Variants in USP6NL observed in about 807,000 individuals in gnomAD.
USP6NL encodes the protein USP6 N-terminal like.
USP6NL carries 26 observed loss-of-function variants against 61.9 expected under a neutral mutation model. The observed-to-expected ratio is 0.42, with a 90% CI of 0.31 to 0.58. The LOEUF (loss-of-function observed/expected upper bound fraction) is 0.58. Ranked by LOEUF, USP6NL falls within the 20% of genes least tolerant of loss-of-function variation. The pLI is 0.16. For synonymous variants in USP6NL, 432 were observed against 390.1 expected, an observed-to-expected ratio of 1.11 and a Z score of -1.27; for missense variants, 1,114 against 1,034.3, an observed-to-expected ratio of 1.08 and a Z score of -1.06.
chr10:11,463,196 G>A lies in USP6NL; in HGVS notation c.1732C>T (p.Arg578Trp), dbSNP rs369822185. Residue 578 changes from arginine (R) to tryptophan (W), a missense_variant, in exon 15 of 15, where the codon CGG becomes TGG. Transcript: ENST00000609104. The surrounding 1 kb of genome is among the most constrained non-coding windows in gnomAD (Gnocchi z 6.3). Reference protein sequence around the residue: ...ALERAYSQSPRHALYPPSPRK... With the variant: ...ALERAYSQSPWHALYPPSPRK... ...GGGCTAGGAGGGTAAAGGGCATGCC[G>A]GGGGCTCTGGGAGTAAGCCCTTTCC... 17 of 1,613,036 alleles carry A rather than the reference G, an allele frequency of 1.1e-5. No homozygotes were observed. In the African/African-American group the frequency reaches 1.3e-4, roughly 13 times the overall value.
At chr10:11,477,439 G>T (rs184826427) in intron 14 of USP6NL, among the ~76,000 whole-genome samples, 24 of 152,252 alleles carry the variant, frequency 1.6e-4, no homozygotes, top group Non-Finnish European at 2.6e-4. Context: ...AAATATAAAT[G>T]ACCAAATGAC....
chr10:11,471,269 C>T (rs1344924444), intron 14 of USP6NL, among the ~76,000 whole-genome samples: 1 of 152,094 alleles, frequency 6.6e-6, no homozygotes, highest in African/African-American at 2.4e-5. Context: ...CTGCCAACCA[C>T]TATGAGATAC....
chr10:11,561,509 C>A lies in USP6NL; in HGVS notation c.5-33942G>T, dbSNP rs376328536. 6.6e-6 allele frequency among the ~76,000 whole-genome samples: 1 copy of A among 152,224 alleles called. No homozygotes were observed. The highest frequency in any genetic ancestry group is 2.4e-5 in the African/African-American group (1 of 41,452). ...ACATTGCTTTGCAATTATCTTTCTA[C>A]TCAAATATATTTCATAGACATTTTT... On this transcript the variant is annotated intron_variant, in intron 2 of 14. Coordinates refer to ENST00000609104, the MANE Select transcript of USP6NL (RefSeq NM_014688.5). The surrounding 1 kb of genome is among the most constrained non-coding windows in gnomAD (Gnocchi z 4.1).
At chr10:11,568,811 A>G (rs1359593934) in intron 2 of USP6NL, among the ~76,000 whole-genome samples, 1 of 152,244 alleles carries the variant, frequency 6.6e-6, no homozygotes, top group Non-Finnish European at 1.5e-5. Flanking sequence ...TTCCAGGTAG[A>G]AAGAAAGATG....
At position 11,589,941 on chromosome 10, in the gene USP6NL, C is replaced by T. The variant is rs937984125; in HGVS notation, c.4+7690G>A. On this transcript the variant is annotated intron_variant, in intron 2 of 14. Coordinates refer to ENST00000609104, the MANE Select transcript of USP6NL (RefSeq NM_014688.5). The surrounding 1 kb of genome is among the most constrained non-coding windows in gnomAD (Gnocchi z 4.7). ...CTAAATTCAGAGGGAAAAGACAGCA[C>T]TCTACTACCAACTGCCTGCACAACG... Among the ~76,000 whole-genome samples the T allele has an allele frequency of 4.6e-5, 7 of 152,182 alleles. No homozygotes were observed. The highest frequency in any genetic ancestry group is 1.2e-4 in the African/African-American group (5 of 41,424).
In USP6NL at chr10:11,593,365, C is replaced by T. The variant is rs187775422; in HGVS notation, c.4+4266G>A. Among the ~76,000 whole-genome samples the T allele has an allele frequency of 4.0e-3, 603 of 151,992 alleles. 5 individuals carry two copies. Among genetic ancestry groups the T allele is most frequent in the African/African-American group, 0.014 (561 of 41,446 alleles). On this transcript the variant is annotated intron_variant, in intron 2 of 14. Coordinates refer to ENST00000609104, the MANE Select transcript of USP6NL (RefSeq NM_014688.5). ...CACTTAGTTTTTTTTAAAATATATT[C>T]TACCAAAATAATCACTATTTTGTGC... is the stretch of plus-strand genomic sequence containing the variant.
At chr10:11,475,792 G>T (rs1269119472) in intron 14 of USP6NL, among the ~76,000 whole-genome samples, 1 of 151,872 alleles carries the variant, frequency 6.6e-6, no homozygotes, top group Non-Finnish European at 1.5e-5. Context: ...TAACTGAAAA[G>T]ATTTTTTTTT....
intron 2 of USP6NL, among the ~76,000 whole-genome samples, chr10:11,542,252 C>G (rs1836096093): frequency 6.6e-6 from 1 of 152,138 alleles, no homozygotes; most frequent in Admixed American, 6.5e-5. Flanking sequence ...TAAAACAGTT[C>G]CTCAAAAAGA....
At chr10:11,556,772 T>A (rs1012117856) in intron 2 of USP6NL, among the ~76,000 whole-genome samples, 2 of 152,028 alleles carry the variant, frequency 1.3e-5, no homozygotes, top group African/African-American at 4.8e-5. Context: ...AAGCAAAAAT[T>A]GGCAAAATTA....
intron 2 of USP6NL, among the ~76,000 whole-genome samples, chr10:11,538,307 C>A (rs1381061675): frequency 6.6e-6 from 1 of 152,158 alleles, no homozygotes; most frequent in African/African-American, 2.4e-5. Context: ...CACCTTACCA[C>A]TGCCCATTGC....
Position 11,482,046 on chromosome 10 carries a change from CA to C in USP6NL, c.926-125del. The stretch of plus-strand genomic sequence containing the variant: ...AAGGGCGCAAGCAGCATACAACTTA[CA>C]TATGGCATTGAGGACATCATTAAAA... On this transcript the variant is annotated intron_variant, in intron 13 of 14. Transcript: ENST00000609104. This position sits in a 1 kb window ranked among gnomAD's most constrained non-coding sequence, Gnocchi z 4.0. 2.1e-6 allele frequency: 2 copies of C among 939,640 alleles called. No individual in the cohort carries two copies. The highest frequency in any genetic ancestry group is 3.0e-6 in the Non-Finnish European group (2 of 662,818). 58.2% of individuals were successfully genotyped at this position (939,640 alleles called of 1,614,324 possible).
At chr10:11,542,835 G>A (rs1457170690) in intron 2 of USP6NL, among the ~76,000 whole-genome samples, 1 of 152,130 alleles carries the variant, frequency 6.6e-6, no homozygotes, top group African/African-American at 2.4e-5. Flanking sequence ...ATGGCTATTT[G>A]AACAGCAGCA....
intron 14 of USP6NL, among the ~76,000 whole-genome samples, chr10:11,477,964 T>A (rs1277207065): frequency 6.6e-6 from 1 of 152,190 alleles, no homozygotes; most frequent in Non-Finnish European, 1.5e-5. Flanking sequence ...ATAGGATGCA[T>A]GAATACTGAA....
At chr10:11,565,965 T>C (rs1425520648) in intron 2 of USP6NL, among the ~76,000 whole-genome samples, 1 of 152,216 alleles carries the variant, frequency 6.6e-6, no homozygotes, top group Admixed American at 6.5e-5. Context: ...GCATTTATCA[T>C]ATGCACAGAT....
intron 4 of USP6NL, among the ~76,000 whole-genome samples, chr10:11,524,886 T>C (rs1469152976): frequency 2.0e-5 from 3 of 152,292 alleles, no homozygotes; most frequent in East Asian, 3.9e-4. Context: ...CTTTACTTTA[T>C]GTGATCTAGA....
chr10:11,472,541 G>C (rs1260228564), intron 14 of USP6NL, among the ~76,000 whole-genome samples: 3 of 152,208 alleles, frequency 2.0e-5, no homozygotes, highest in East Asian at 1.9e-4. Flanking sequence ...TCGGTGGGGG[G>C]CCACTATCAG....
rs542618627 is a variant in USP6NL, at chr10:11,591,327, T to A, written c.4+6304A>T. Among the ~76,000 whole-genome samples, 1 of 152,312 alleles carries A rather than the reference T, an allele frequency of 6.6e-6. No individual in the cohort carries two copies. Among genetic ancestry groups the A allele is most frequent in the East Asian group, 1.9e-4 (1 of 5,196 alleles). Reference sequence around the variant, plus strand: ...ACTAAAAAAATTTCATTAAAGTTGATTTACATATAAAATTTATCTATATTA... The same window carrying A: ...ACTAAAAAAATTTCATTAAAGTTGAATTACATATAAAATTTATCTATATTA... On this transcript the variant is annotated intron_variant, in intron 2 of 14. Coordinates refer to ENST00000609104, the MANE Select transcript of USP6NL (RefSeq NM_014688.5). The surrounding 1 kb of genome is among the most constrained non-coding windows in gnomAD (Gnocchi z 4.7).
At chr10:11,552,166 C>T (rs765703689) in intron 2 of USP6NL, among the ~76,000 whole-genome samples, 2 of 152,162 alleles carry the variant, frequency 1.3e-5, no homozygotes, top group South Asian at 4.1e-4. Context: ...GTGGCATACA[C>T]ACACCAATTA....
chr10:11,530,851 A>T (rs1835628472), intron 2 of USP6NL, among the ~76,000 whole-genome samples: 1 of 152,240 alleles, frequency 6.6e-6, no homozygotes, highest in Admixed American at 6.5e-5. Context: ...GGCTCATACT[A>T]TCTGGTCTGA....
Sources: allele counts gnomAD v4.1 joint callset (sites outside exome capture counted in the v4.1 genomes callset), GRCh38; gene constraint gnomAD v4.1.1; non-coding constraint Gnocchi (gnomAD v3.1); transcripts MANE v1.5; gene names NCBI Gene and HGNC (gene_info 2026-07-23, HGNC 2026-07-21).